The following RGS3 variants were observed in gnomAD, a reference collection of about 807,000 sequenced individuals.
RGS3 encodes the protein regulator of G protein signaling 3.
In RGS3, 80 loss-of-function variants were observed where a neutral mutation model predicts 132.6. The observed-to-expected ratio is 0.60, with a 90% CI of 0.50 to 0.73. RGS3 has a LOEUF of 0.73. RGS3 is among the 30% of genes least tolerant of loss of function. The probability of loss-of-function intolerance (pLI) is 0.00; values close to 1 mark genes in which losing one functional copy is unlikely to be tolerated. For synonymous variants in RGS3, 598 were observed against 620.6 expected, an observed-to-expected ratio of 0.96 and a Z score of 0.54; for missense variants, 1,382 against 1,530.8, an observed-to-expected ratio of 0.90 and a Z score of 1.62.
intron 19 of RGS3, among the ~76,000 whole-genome samples, chr9:113,540,604 G>A (rs1832861457): frequency 6.6e-6 from 1 of 152,202 alleles, no homozygotes; most frequent in Non-Finnish European, 1.5e-5. Context: ...GAAGCCTTCT[G>A]AGAAGCATGG....
chr9:113,591,365 C>G lies in RGS3; in HGVS notation c.3048C>G (p.Asp1016Glu). 6.2e-7 allele frequency: 1 copy of G among 1,613,634 alleles called. No homozygotes were observed. The highest frequency in any genetic ancestry group is 8.5e-7 in the Non-Finnish European group (1 of 1,179,938). ...GGGCTGACACCGTTGGGGATGATGA[C>G]GAAGCCTCCCGGAAGAGAAAGAGCA... is the stretch of plus-strand genomic sequence containing the variant. The change falls in exon 21 of 25, where the codon GAC becomes GAG. Residue 1016 changes from aspartate (D) to glutamate (E), a missense_variant. Asp to Glu is a conservative substitution (Grantham distance 45). Coordinates refer to ENST00000350696, the Ensembl canonical transcript of RGS3. This position sits in a 1 kb window ranked among gnomAD's most constrained non-coding sequence, Gnocchi z 4.4.
chr9:113,496,789 G>A (rs935200665), intron 8 of RGS3, among the ~76,000 whole-genome samples: 9 of 152,132 alleles, frequency 5.9e-5, no homozygotes, highest in African/African-American at 7.2e-5. Flanking sequence ...GACCTCAGGT[G>A]ATCCACCCGT....
chr9:113,453,912 C>T (rs1206665183), intron 1 of RGS3, among the ~76,000 whole-genome samples: 4 of 151,850 alleles, frequency 2.6e-5, no homozygotes, highest in Non-Finnish European at 5.9e-5. Context: ...CTCACTGCAA[C>T]CTCGAACTCC....
At chr9:113,572,853 C>T (rs1313803398) in intron 19 of RGS3, among the ~76,000 whole-genome samples, 1 of 152,234 alleles carries the variant, frequency 6.6e-6, no homozygotes, top group East Asian at 1.9e-4. Flanking sequence ...CATCTGCCTT[C>T]TCAGCTTCCA....
chr9:113,556,265 CT>C (rs1407264199), intron 19 of RGS3, among the ~76,000 whole-genome samples: 2 of 152,070 alleles, frequency 1.3e-5, no homozygotes, highest in Non-Finnish European at 2.9e-5. Context: ...GTAATTTTTC[CT>C]GGTCCTAACT....
At position 113,565,071 on chromosome 9, in the gene RGS3, C is replaced by T; in HGVS notation, c.2038-18379C>T. The T allele has an allele frequency of 8.8e-7, 1 of 1,136,474 alleles. No homozygotes were observed. The highest frequency in any genetic ancestry group is 1.9e-5 in the South Asian group (1 of 53,460). 70.4% of individuals were successfully genotyped at this position (1,136,474 alleles called of 1,614,324 possible). A position where few individuals can be genotyped will look rare whatever the true frequency, so the allele number is the denominator to read the frequency against. On this transcript the variant is annotated intron_variant, in intron 19 of 24. Transcript: ENST00000350696. The surrounding 1 kb of genome is among the most constrained non-coding windows in gnomAD (Gnocchi z 5.7). ...CTAGGGATCCCAGTGCCAGGGGGTG[C>T]CGTTGTGAGGGATGGACGCCTCTCC...
intron 19 of RGS3, among the ~76,000 whole-genome samples, chr9:113,578,046 A>G (rs7854524): frequency 0.16 from 24,045 of 152,270 alleles, 2,036 homozygotes; most frequent in African/African-American, 0.2. Context: ...GAAAGCGGTC[A>G]GGGCTGGCAG....
intron 4 of RGS3, among the ~76,000 whole-genome samples, chr9:113,480,458 CAAAA>C (rs755925249): frequency 3.0e-5 from 2 of 65,882 alleles, no homozygotes; most frequent in Non-Finnish European, 2.9e-5. Flanking sequence ...GACTCCGTCT[CAAAA>C]AAAAAAAAAA....
At chr9:113,575,357 T>G (rs1297485400) in intron 19 of RGS3, among the ~76,000 whole-genome samples, 1 of 152,046 alleles carries the variant, frequency 6.6e-6, no homozygotes, top group African/African-American at 2.4e-5. Flanking sequence ...TTCTGTAGAG[T>G]GGGTGCACTC....
At chr9:113,496,018 A>T (rs1199577525) in intron 8 of RGS3, among the ~76,000 whole-genome samples, 172 bp downstream of exon 6, 1 of 152,074 alleles carries the variant, frequency 6.6e-6, no homozygotes, top group Non-Finnish European at 1.5e-5. Flanking sequence ...TTACCTGCCT[A>T]GCTGAGAGTT....
chr9:113,536,720 A>G, intron 18 of RGS3, 76 bp from the exon 17 acceptor site: 1 of 1,564,476 alleles, frequency 6.4e-7, no homozygotes, highest in Non-Finnish European at 8.7e-7. Flanking sequence ...GAGCCCAGGG[A>G]TGGGCTTGGG....
chr9:113,550,524 T>A (rs950330119), intron 19 of RGS3, among the ~76,000 whole-genome samples: 16 of 152,368 alleles, frequency 1.1e-4, no homozygotes, highest in Middle Eastern at 3.4e-3. Flanking sequence ...TGATTTCTAA[T>A]CTCATCTGAA....
intron 4 of RGS3, 125 bp downstream of exon 2, chr9:113,479,666 A>G: frequency 1.2e-6 from 1 of 848,990 alleles, no homozygotes; most frequent in Non-Finnish European, 1.9e-6. Context: ...TGTATAAAGG[A>G]TGTGTCCATT....
chr9:113,532,650 G>A (rs1364041961), intron 18 of RGS3, among the ~76,000 whole-genome samples: 4 of 152,202 alleles, frequency 2.6e-5, no homozygotes, highest in Admixed American at 6.5e-5. Flanking sequence ...CATAATCATG[G>A]CTATTACCTT....
At chr9:113,464,386 G>T (rs1487707630) in intron 3 of RGS3, among the ~76,000 whole-genome samples, 1 of 152,168 alleles carries the variant, frequency 6.6e-6, no homozygotes, top group African/African-American at 2.4e-5. Context: ...CTCCAAGAAA[G>T]AACAATCCCT....
At chr9:113,453,026 AATATATAAT>A (rs914120044) in intron 1 of RGS3, among the ~76,000 whole-genome samples, 142 of 131,354 alleles carry the variant, frequency 1.1e-3, no homozygotes, top group African/African-American at 3.8e-3. Flanking sequence ...TTTTATATAT[AATATATAAT>A]ATATATAATA....
chr9:113,559,035 G>A (rs1833684025), intron 19 of RGS3, among the ~76,000 whole-genome samples: 1 of 152,226 alleles, frequency 6.6e-6, no homozygotes, highest in African/African-American at 2.4e-5. Flanking sequence ...CAGCAGCAAA[G>A]TTAGCATTTC....
intron 3 of RGS3, among the ~76,000 whole-genome samples, chr9:113,477,823 G>A (rs1000638562): frequency 1.3e-5 from 2 of 152,212 alleles, no homozygotes; most frequent in African/African-American, 4.8e-5. Context: ...GCAGAGGGAG[G>A]GCACAGCTAG....
chr9:113,464,639 C>T (rs1829568759), intron 3 of RGS3, among the ~76,000 whole-genome samples: 1 of 152,174 alleles, frequency 6.6e-6, no homozygotes. Flanking sequence ...GTTATTTTTC[C>T]TCTGTGAAGA....
Sources: allele counts gnomAD v4.1 joint callset (sites outside exome capture counted in the v4.1 genomes callset), GRCh38; gene constraint gnomAD v4.1.1; non-coding constraint Gnocchi (gnomAD v3.1); transcripts MANE v1.5; gene names NCBI Gene and HGNC (gene_info 2026-07-23, HGNC 2026-07-21).